The following ZNF385D variants were observed in gnomAD, a reference collection of about 807,000 sequenced individuals.
The protein encoded by ZNF385D is zinc finger protein 659.
In ZNF385D, 15 loss-of-function variants were observed where a neutral mutation model predicts 35.8. The observed-to-expected ratio is 0.42, with a 90% CI of 0.28 to 0.64. The LOEUF (loss-of-function observed/expected upper bound fraction) is 0.64. ZNF385D is among the 30% of genes least tolerant of loss of function. The pLI is 0.23. For missense variants in ZNF385D, 474 were observed against 494.6 expected, an observed-to-expected ratio of 0.96 and a Z score of 0.39; for synonymous variants, 212 against 186.8, an observed-to-expected ratio of 1.13 and a Z score of -1.10.
intron 3 of ZNF385D, among the ~76,000 whole-genome samples, chr3:21,975,282 G>T (rs1226653793): frequency 2.0e-5 from 3 of 152,148 alleles, no homozygotes; most frequent in Non-Finnish European, 4.4e-5. Flanking sequence ...TGGAAGATAT[G>T]TTAAATGAAA....
chr3:22,044,809 A>C (rs1282950290), intron 3 of ZNF385D, among the ~76,000 whole-genome samples: 1 of 152,118 alleles, frequency 6.6e-6, no homozygotes, highest in African/African-American at 2.4e-5. Flanking sequence ...CAAGAACTTA[A>C]GCTAAATGTG....
intron 2 of ZNF385D, among the ~76,000 whole-genome samples, chr3:22,299,990 A>G (rs528715470): frequency 6.6e-6 from 1 of 152,052 alleles, no homozygotes; most frequent in South Asian, 2.1e-4. Flanking sequence ...AAAAGACCCC[A>G]AAGAGCCAAA....
In ZNF385D at chr3:21,797,091, T is replaced by C. The variant is rs115913023; in HGVS notation, c.326-132063A>G. 6.2e-3 allele frequency among the ~76,000 whole-genome samples: 945 copies of C among 152,278 alleles called. 9 individuals are homozygous for C. The highest frequency in any genetic ancestry group is 0.022 in the African/African-American group (906 of 41,556). On this transcript the variant is annotated intron_variant, in intron 3 of 5. Transcript: ENST00000494108. ...TCAAGACGTATTTGCAAAACACATA[T>C]CTGATAAAGGACTCTCATCCAAAAT...
chr3:22,189,862 CTGT>C (rs1384009332), intron 2 of ZNF385D, among the ~76,000 whole-genome samples: 1 of 152,126 alleles, frequency 6.6e-6, no homozygotes, highest in Non-Finnish European at 1.5e-5. Flanking sequence ...TGAAAGTGTC[CTGT>C]TGTTCATTAA....
intron 3 of ZNF385D, among the ~76,000 whole-genome samples, chr3:22,071,397 G>A (rs571557720): frequency 2.6e-5 from 4 of 152,164 alleles, no homozygotes; most frequent in Admixed American, 2.6e-4. Flanking sequence ...GAAACCTGAG[G>A]AAGAAAATAT....
chr3:21,567,486 C>T lies in ZNF385D; in HGVS notation c.166-2802G>A, dbSNP rs568886561. On this transcript the variant is annotated intron_variant, in intron 2 of 7. Transcript: ENST00000281523. ...CTGCGCTGCTTCAATAGCCCTCATT[C>T]TGTTCTCTAGGATCATTCTATCACA... 2.0e-3 allele frequency among the ~76,000 whole-genome samples: 309 copies of T among 152,298 alleles called. 2 individuals carry two copies. The highest frequency in any genetic ancestry group is 0.015 in the South Asian group (70 of 4,824).
intron 3 of ZNF385D, among the ~76,000 whole-genome samples, chr3:22,023,773 G>A (rs1208715640): frequency 6.6e-6 from 1 of 151,824 alleles, no homozygotes; most frequent in African/African-American, 2.4e-5. Flanking sequence ...TTGCTAAAAG[G>A]TGCACTTTAT....
intron 2 of ZNF385D, among the ~76,000 whole-genome samples, chr3:22,266,582 T>G (rs192116243): frequency 6.6e-6 from 1 of 151,974 alleles, no homozygotes; most frequent in Non-Finnish European, 1.5e-5. Context: ...GACAGGCCAA[T>G]GTAAGAGCCC....
At chr3:22,300,961 G>T (rs1276855674) in intron 2 of ZNF385D, among the ~76,000 whole-genome samples, 2 of 152,032 alleles carry the variant, frequency 1.3e-5, no homozygotes, top group African/African-American at 4.8e-5. Flanking sequence ...ATTGAAATCA[G>T]TTTGTCAAAG....
chr3:22,072,324 T>C (rs937300472), intron 3 of ZNF385D, among the ~76,000 whole-genome samples: 1 of 136,218 alleles, frequency 7.3e-6, no homozygotes, highest in Non-Finnish European at 1.5e-5. Context: ...TTCTTGGAAG[T>C]TATTTGTGAA....
At chr3:22,267,008 GAATT>G (rs553197773) in intron 2 of ZNF385D, among the ~76,000 whole-genome samples, 31 of 151,828 alleles carry the variant, frequency 2.0e-4, no homozygotes, top group Non-Finnish European at 4.3e-4. Context: ...GAGTGTACAT[GAATT>G]ATTTAAAGTG....
chr3:21,926,061 C>G (rs1423895575), intron 3 of ZNF385D, among the ~76,000 whole-genome samples: 2 of 152,036 alleles, frequency 1.3e-5, no homozygotes, highest in Non-Finnish European at 2.9e-5. Flanking sequence ...ACTCTGAAAA[C>G]TTTTGGAAAT....
rs577189922 is a variant in ZNF385D, at chr3:21,692,133, A to T, written c.23-27105T>A. Among the ~76,000 whole-genome samples, 6 of 152,252 alleles carry T rather than the reference A, an allele frequency of 3.9e-5. No individual in the cohort carries two copies. The South Asian group carries it at 1.2e-3, about 32-fold the overall frequency. Reference sequence around the variant, plus strand: ...AATTTGCTTACCTGTTCATCTGTCAATGAAGATTTGGGTTGTTTCCTCTCA... The same window carrying T: ...AATTTGCTTACCTGTTCATCTGTCATTGAAGATTTGGGTTGTTTCCTCTCA... On this transcript the variant is annotated intron_variant, in intron 1 of 7. Transcript: ENST00000281523.
chr3:21,428,945 T>C (rs530237734), intron 5 of ZNF385D, among the ~76,000 whole-genome samples: 1 of 143,542 alleles, frequency 7.0e-6, no homozygotes, highest in South Asian at 2.2e-4. Context: ...TTTTTTTTTT[T>C]GCTTTCTGCT....
intron 3 of ZNF385D, among the ~76,000 whole-genome samples, chr3:22,128,035 A>C (rs906349160): frequency 7.2e-5 from 11 of 152,258 alleles, no homozygotes; most frequent in African/African-American, 2.6e-4. Context: ...TTAGATTGAA[A>C]AACTCTCTTT....
intron 3 of ZNF385D, among the ~76,000 whole-genome samples, chr3:21,820,142 A>T (rs2073339543): frequency 6.6e-6 from 1 of 151,678 alleles, no homozygotes; most frequent in African/African-American, 2.4e-5. Flanking sequence ...ATTACACTTT[A>T]TTTTTAAACA....
intron 2 of ZNF385D, among the ~76,000 whole-genome samples, chr3:22,296,705 G>C (rs374825372): frequency 9.2e-5 from 14 of 152,078 alleles, no homozygotes; most frequent in Non-Finnish European, 2.9e-5. Flanking sequence ...CTTGAAGAGA[G>C]CATACCTCTG....
In ZNF385D at chr3:21,782,946, A is replaced by G. The variant is rs1174575887; in HGVS notation, c.326-117918T>C. On this transcript the variant is annotated intron_variant, in intron 3 of 5. Transcript: ENST00000494108. ...TATGAAAATTCGTTATGCAATTATA[A>G]TTGCATTCCAACTCGAAGAAGCTAA... Among the ~76,000 whole-genome samples the G allele has an allele frequency of 8.5e-5, 13 of 152,238 alleles. No homozygotes were observed. In the East Asian group the frequency reaches 2.5e-3, roughly 30 times the overall value.
intron 2 of ZNF385D, among the ~76,000 whole-genome samples, chr3:22,317,381 G>C (rs1004776325): frequency 7.1e-6 from 1 of 140,440 alleles, no homozygotes; most frequent in Non-Finnish European, 1.5e-5. Context: ...AAGTAACCAA[G>C]AAAGAGCAAC....
Sources: gnomAD v4.1 joint callset for allele counts (sites outside exome capture counted in the v4.1 genomes callset) on GRCh38, gnomAD v4.1.1 for gene constraint, MANE v1.5 for transcripts, NCBI Gene and HGNC (gene_info 2026-07-23, HGNC 2026-07-21) for gene names.